Variants in FMN2 observed in about 807,000 individuals in gnomAD.
FMN2 encodes formin 2.
Under a neutral mutation model 142.3 loss-of-function variants are expected in FMN2, and 51 were observed. That is an observed-to-expected ratio of 0.36 (90% CI 0.29 to 0.45). The LOEUF is 0.45. Ranked by LOEUF, FMN2 falls within the 20% of genes least tolerant of loss-of-function variation. FMN2 has a pLI of 1.00. For missense variants in FMN2, 1,936 were observed against 2,122.8 expected (o/e 0.91, Z 1.73); for synonymous variants, 882 against 869.8 (o/e 1.01, Z -0.25).
intron 4 of FMN2, among the ~76,000 whole-genome samples, chr1:240,195,963 G>A (rs995304831): frequency 8.5e-5 from 13 of 152,162 alleles, no homozygotes; most frequent in Non-Finnish European, 5.9e-5. Flanking sequence ...AGCTATGATT[G>A]TGCCACTGCA....
chr1:240,425,323 A>G (rs913758342), intron 15 of FMN2, among the ~76,000 whole-genome samples: 2 of 152,174 alleles, frequency 1.3e-5, no homozygotes, highest in African/African-American at 4.8e-5. Flanking sequence ...CCAGAATGAC[A>G]GAAGCGAAAA....
intron 15 of FMN2, among the ~76,000 whole-genome samples, chr1:240,428,757 T>G (rs1443794819): frequency 6.6e-6 from 1 of 152,246 alleles, no homozygotes; most frequent in Non-Finnish European, 1.5e-5. Context: ...TGAGAACACT[T>G]TAAATCTACT....
chr1:240,240,187 A>G (rs1667845270), intron 6 of FMN2, among the ~76,000 whole-genome samples: 2 of 152,080 alleles, frequency 1.3e-5, no homozygotes, highest in Non-Finnish European at 2.9e-5. Flanking sequence ...GCTGAGGGGT[A>G]GTGTGGAATA....
intron 14 of FMN2, among the ~76,000 whole-genome samples, chr1:240,357,190 T>C (rs1039168614): frequency 1.3e-5 from 2 of 152,194 alleles, no homozygotes; most frequent in African/African-American, 4.8e-5. Flanking sequence ...TTCATTTTTG[T>C]CTTATAAGAA....
chr1:240,352,170 A>G (rs1219789278), intron 13 of FMN2, among the ~76,000 whole-genome samples: 2 of 152,108 alleles, frequency 1.3e-5, no homozygotes, highest in Non-Finnish European at 2.9e-5. Context: ...CTACTTGAAG[A>G]CTGTAATGTA....
At chr1:240,426,006 A>G (rs1216685316) in intron 15 of FMN2, among the ~76,000 whole-genome samples, 3 of 152,228 alleles carry the variant, frequency 2.0e-5, no homozygotes, top group Non-Finnish European at 4.4e-5. Flanking sequence ...AAGATTTTAA[A>G]TAATACTTGA....
intron 2 of FMN2, among the ~76,000 whole-genome samples, chr1:240,162,603 T>TCTTA (rs3047196): frequency 0.68 from 103,119 of 151,570 alleles, 35,621 homozygotes; most frequent in African/African-American, 0.79. Flanking sequence ...TATTCTAATA[T>TCTTA]CTTACTACTT....
At position 240,207,545 on chromosome 1, in the gene FMN2, T is replaced by A. The variant is rs1469974056; in HGVS notation, c.2733T>A (p.Pro911=). 4 of 1,570,576 alleles carry A rather than the reference T, an allele frequency of 2.5e-6. No homozygotes were observed. Among genetic ancestry groups the A allele is most frequent in the African/African-American group, 3.2e-5 (2 of 62,864 alleles). ...PLQGTEMLPP[P]PPPLPGAGIP... ...AGGGTACAGAAATGCTGCCACCCCC[T>A]CCCCCTCCTCTTCCCGGAGCGGGCA... Residue 911 remains proline, a synonymous_variant, in exon 5 of 18, where the codon CCT becomes CCA. Coordinates refer to ENST00000319653, the MANE Select transcript of FMN2 (RefSeq NM_020066.5).
chr1:240,182,365 CT>C (rs1665188817), intron 3 of FMN2, among the ~76,000 whole-genome samples: 1 of 152,068 alleles, frequency 6.6e-6, no homozygotes, highest in South Asian at 2.1e-4. Context: ...AGAGAACTGA[CT>C]TTTTAGAAAG....
At chr1:240,131,793 G>A (rs150236499) in intron 2 of FMN2, among the ~76,000 whole-genome samples, 38 of 152,274 alleles carry the variant, frequency 2.5e-4, no homozygotes, top group Middle Eastern at 3.4e-3. Context: ...AAGTATTTCC[G>A]GAGTATAAAT....
chr1:240,241,332 A>G (rs1558388202), intron 6 of FMN2, among the ~76,000 whole-genome samples: 1 of 150,936 alleles, frequency 6.6e-6, no homozygotes, highest in Non-Finnish European at 1.5e-5. Flanking sequence ...TTGAGTTTCT[A>G]ATTCTTTTAA....
intron 6 of FMN2, among the ~76,000 whole-genome samples, chr1:240,247,367 T>C (rs541561716): frequency 1.4e-4 from 21 of 152,114 alleles, no homozygotes; most frequent in Non-Finnish European, 2.5e-4. Flanking sequence ...CTGGGCATGG[T>C]CCCGCATGCC....
At chr1:240,389,498 T>G (rs1258241319) in intron 14 of FMN2, among the ~76,000 whole-genome samples, 1 of 152,198 alleles carries the variant, frequency 6.6e-6, no homozygotes, top group African/African-American at 2.4e-5. Flanking sequence ...GTAATTAGCT[T>G]GCTTGCTCCA....
chr1:240,290,816 A>G (rs1669760937), intron 7 of FMN2, among the ~76,000 whole-genome samples: 1 of 114,490 alleles, frequency 8.7e-6, no homozygotes. Flanking sequence ...TTTGAGACAG[A>G]GTCTGGCTCT....
intron 13 of FMN2, among the ~76,000 whole-genome samples, chr1:240,349,954 ATTTTTTTT>A (rs34827249): frequency 6.9e-6 from 1 of 144,660 alleles, no homozygotes. Context: ...AGTGTTCGGT[ATTTTTTTT>A]TTTTATTTAC....
At chr1:240,143,832 C>G (rs973115299) in intron 2 of FMN2, 4 of 1,558,876 alleles carry the variant, frequency 2.6e-6, no homozygotes, top group Non-Finnish European at 3.5e-6. Flanking sequence ...GCTGTCACAC[C>G]TGCCACCTCC....
chr1:240,411,816 A>G (rs1480295283), intron 15 of FMN2, among the ~76,000 whole-genome samples: 1 of 152,150 alleles, frequency 6.6e-6, no homozygotes, highest in Non-Finnish European at 1.5e-5. Context: ...GTGGATGATT[A>G]ACATAGCATT....
At chr1:240,258,437 T>C (rs1229372871) in intron 7 of FMN2, among the ~76,000 whole-genome samples, 2 of 152,092 alleles carry the variant, frequency 1.3e-5, no homozygotes, top group Non-Finnish European at 2.9e-5. Context: ...TCTCCATGTA[T>C]CCTCAATTGG....
At chr1:240,222,291 G>C (rs779353171) in intron 6 of FMN2, among the ~76,000 whole-genome samples, 2 of 152,126 alleles carry the variant, frequency 1.3e-5, no homozygotes, top group Non-Finnish European at 2.9e-5. Flanking sequence ...TCAAAGGTCA[G>C]ATGGTTGTAG....
Sources: gnomAD v4.1 joint callset for allele counts (sites outside exome capture counted in the v4.1 genomes callset) on GRCh38, gnomAD v4.1.1 for gene constraint, MANE v1.5 for transcripts, NCBI Gene and HGNC (gene_info 2026-07-23, HGNC 2026-07-21) for gene names.